WDR33: variants seen among roughly 807,000 people sequenced by gnomAD.
WDR33 encodes the protein WD repeat domain 33.
WDR33 carries 47 observed loss-of-function variants against 164.9 expected under a neutral mutation model. The observed-to-expected ratio is 0.29, with a 90% CI of 0.23 to 0.36. The LOEUF is 0.36. WDR33 is among the 10% of genes least tolerant of loss of function. WDR33 has a pLI of 1.00. For synonymous variants in WDR33, 505 were observed against 589.0 expected (o/e 0.86, Z 2.06); for missense variants, 1,137 against 1,754.1 (o/e 0.65, Z 6.28).
chr2:127,729,130 C>T (rs1024136886), intron 7 of WDR33, among the ~76,000 whole-genome samples: 3 of 152,236 alleles, frequency 2.0e-5, no homozygotes, highest in African/African-American at 7.2e-5. Flanking sequence ...TTATTCATCG[C>T]TGTTCTTAAT....
At chr2:127,707,319 G>A (rs1219131575) in intron 21 of WDR33, among the ~76,000 whole-genome samples, 1 of 151,854 alleles carries the variant, frequency 6.6e-6, no homozygotes, top group Non-Finnish European at 1.5e-5. Context: ...ATAGGATTTG[G>A]TCACATCTCC....
At chr2:127,752,206 G>C (rs932636699) in intron 7 of WDR33, among the ~76,000 whole-genome samples, 1 of 152,136 alleles carries the variant, frequency 6.6e-6, no homozygotes, top group Non-Finnish European at 1.5e-5. Context: ...TCACTAAATG[G>C]AGTTAGGGAT....
rs1164631974 is a variant in WDR33, at chr2:127,726,840, A to G, written c.725-63T>C. The G allele has an allele frequency of 6.3e-7, 1 of 1,586,722 alleles. No homozygotes were observed. Among genetic ancestry groups the G allele is most frequent in the African/African-American group, 1.4e-5 (1 of 73,896 alleles). On this transcript the variant is annotated intron_variant, in intron 7 of 21. Transcript: ENST00000322313. This position sits in a 1 kb window ranked among gnomAD's most constrained non-coding sequence, Gnocchi z 4.8. Reference sequence around the variant, plus strand: ...ACATGCATTTAAAGCAATTTAAACCAAAGTAGAGAAACCTAGTAAATGTTT... The same window carrying G: ...ACATGCATTTAAAGCAATTTAAACCGAAGTAGAGAAACCTAGTAAATGTTT...
At chr2:127,739,420 A>C (rs990946174) in intron 7 of WDR33, among the ~76,000 whole-genome samples, 4 of 152,256 alleles carry the variant, frequency 2.6e-5, no homozygotes, top group African/African-American at 9.6e-5. Flanking sequence ...AATCAGTTAC[A>C]TTTGGAATCA....
At chr2:127,774,425 A>G (rs1024975381) in intron 1 of WDR33, among the ~76,000 whole-genome samples, 2 of 152,170 alleles carry the variant, frequency 1.3e-5, no homozygotes, top group Non-Finnish European at 2.9e-5. Context: ...TTCTAACAGT[A>G]TAGTTTCTAT....
chr2:127,807,451 C>T (rs971266023), intron 1 of WDR33, among the ~76,000 whole-genome samples: 2 of 152,158 alleles, frequency 1.3e-5, no homozygotes, highest in Admixed American at 6.6e-5. Flanking sequence ...CAGTTTTGCA[C>T]GTATCATCCC....
chr2:127,725,373 G>A (rs1475499040), intron 8 of WDR33, among the ~76,000 whole-genome samples, 158 bp from the exon 9 acceptor site: 1 of 152,198 alleles, frequency 6.6e-6, no homozygotes, highest in Non-Finnish European at 1.5e-5. Flanking sequence ...AAACACACTT[G>A]AAAGAAACAA....
chr2:127,791,012 C>A (rs572857496), intron 1 of WDR33, among the ~76,000 whole-genome samples: 1 of 151,996 alleles, frequency 6.6e-6, no homozygotes, highest in Non-Finnish European at 1.5e-5. Flanking sequence ...TAACCTCTCC[C>A]CATCTCTCTC....
intron 7 of WDR33, among the ~76,000 whole-genome samples, chr2:127,747,247 T>C (rs1258969002): frequency 1.3e-5 from 2 of 152,190 alleles, no homozygotes; most frequent in African/African-American, 4.8e-5. Flanking sequence ...ATGCTGTTTT[T>C]TCCATACGAA....
rs984276263 is a variant in WDR33, at chr2:127,708,046, G to A, written c.3781+631C>T. On this transcript the variant is annotated intron_variant, in intron 21 of 21. Coordinates refer to ENST00000322313, the MANE Select transcript of WDR33 (RefSeq NM_018383.5). The surrounding 1 kb of genome is among the most constrained non-coding windows in gnomAD (Gnocchi z 6.7). ...GAGCACAAGCTGGGGCATGCGGGGA[G>A]CAGCCTTCCCAGAAGCTTCCGAGCC... Among the ~76,000 whole-genome samples the A allele has an allele frequency of 1.1e-4, 16 of 152,314 alleles. No individual in the cohort carries two copies. Among genetic ancestry groups the A allele is most frequent in the African/African-American group, 3.4e-4 (14 of 41,556 alleles).
At chr2:127,785,499 CTATT>C (rs917494288) in intron 1 of WDR33, among the ~76,000 whole-genome samples, 12 of 152,188 alleles carry the variant, frequency 7.9e-5, no homozygotes, top group African/African-American at 2.9e-4. Flanking sequence ...AAGCTCCTGG[CTATT>C]TACTCATCTT....
intron 1 of WDR33, among the ~76,000 whole-genome samples, chr2:127,788,106 G>T (rs1688666648): frequency 1.0e-5 from 1 of 96,664 alleles, no homozygotes. Context: ...GGGGCGGCTG[G>T]CCGGGCTGAG....
chr2:127,768,132 C>G (rs1573933186), intron 4 of WDR33, 57 bp downstream of exon 4: 1 of 1,093,006 alleles, frequency 9.1e-7, no homozygotes, highest in Non-Finnish European at 1.3e-6. Flanking sequence ...CTGTCAAATA[C>G]ATTTGCTATA....
At chr2:127,810,394 C>T (rs1234515580) in intron 1 of WDR33, among the ~76,000 whole-genome samples, 1 of 152,228 alleles carries the variant, frequency 6.6e-6, no homozygotes, top group African/African-American at 2.4e-5. Flanking sequence ...CAAGTACAAA[C>T]ATTCATTGTC....
intron 7 of WDR33, among the ~76,000 whole-genome samples, chr2:127,756,317 G>C (rs1280011291): frequency 7.8e-6 from 1 of 127,666 alleles, no homozygotes; most frequent in Non-Finnish European, 1.6e-5. Context: ...CTGGGCAACA[G>C]AGCAAGATTC....
Position 127,724,321 on chromosome 2 carries a change from T to A in WDR33, c.1196+12A>T. The A allele has an allele frequency of 6.2e-7, 1 of 1,602,918 alleles. No individual in the cohort carries two copies. The highest frequency in any genetic ancestry group is 1.1e-5 in the South Asian group (1 of 90,674). ...TCCATATAAAGCTTTGCTATTTCAA[T>A]ATAAAGCTTACCTAGTATGGTCATT... On this transcript the variant is annotated intron_variant, in intron 11 of 21. Transcript: ENST00000322313. This position sits in a 1 kb window ranked among gnomAD's most constrained non-coding sequence, Gnocchi z 4.8.
Position 127,771,022 on chromosome 2 carries a change from T to G in WDR33, c.-23-18A>C. The G allele has an allele frequency of 2.5e-6, 4 of 1,583,884 alleles. No homozygotes were observed. Among genetic ancestry groups the G allele is most frequent in the Non-Finnish European group, 3.5e-6 (4 of 1,156,276 alleles). On this transcript the variant is annotated intron_variant, in intron 1 of 21. Coordinates refer to ENST00000322313, the MANE Select transcript of WDR33 (RefSeq NM_018383.5). The stretch of plus-strand genomic sequence containing the variant: ...CTAGGATACTAGGATAAGGAAAAAG[T>G]ACTTTCACTACAAATATCAGCACTG...
intron 1 of WDR33, among the ~76,000 whole-genome samples, chr2:127,809,430 T>C (rs911330872): frequency 4.9e-5 from 3 of 60,854 alleles, no homozygotes; most frequent in African/African-American, 2.5e-4. Flanking sequence ...CCAAATTCCT[T>C]TTTTTTTTTT....
intron 7 of WDR33, among the ~76,000 whole-genome samples, chr2:127,748,854 C>T (rs1212436157): frequency 1.4e-5 from 2 of 147,486 alleles, no homozygotes; most frequent in African/African-American, 2.5e-5. Flanking sequence ...AAGTGATCCT[C>T]CTAACAGGGC....
Sources: gnomAD v4.1 joint callset for allele counts (sites outside exome capture counted in the v4.1 genomes callset) on GRCh38, gnomAD v4.1.1 for gene constraint, Gnocchi (gnomAD v3.1) non-coding constraint, MANE v1.5 for transcripts, NCBI Gene and HGNC (gene_info 2026-07-23, HGNC 2026-07-21) for gene names.